The following ADGRG5 variants were observed in gnomAD, a reference collection of about 807,000 sequenced individuals.
ADGRG5 encodes G protein-coupled receptor 114.
In ADGRG5, 37 loss-of-function variants were observed where a neutral mutation model predicts 53.2. The ratio of observed to expected loss-of-function variants is 0.70; its 90% CI spans 0.53 to 0.91. ADGRG5 has a LOEUF of 0.91. ADGRG5 is among the 40% of genes least tolerant of loss of function. The pLI is 0.00. For missense variants in ADGRG5, 614 were observed against 675.8 expected (o/e 0.91, Z 1.01); for synonymous variants, 277 against 290.4 (o/e 0.95, Z 0.47).
chr16:57,551,240 G>A (rs1279509578), intron 1 of ADGRG5, among the ~76,000 whole-genome samples: 1 of 152,092 alleles, frequency 6.6e-6, no homozygotes, highest in African/African-American at 2.4e-5. Context: ...TTGAAGGTTG[G>A]GGTGGCTGGC....
chr16:57,568,232 A>G, intron 9 of ADGRG5, 108 bp downstream of exon 9: 3 of 1,126,376 alleles, frequency 2.7e-6, no homozygotes, highest in Non-Finnish European at 3.9e-6. Flanking sequence ...TGGCCATTAC[A>G]TGACCACCAG....
chr16:57,564,126 C>A, intron 5 of ADGRG5, 147 bp downstream of exon 5: 1 of 849,904 alleles, frequency 1.2e-6, no homozygotes. Context: ...GCAATTGTCC[C>A]TCTCTGGGCC....
At chr16:57,554,526 G>A (rs2032831569) in intron 1 of ADGRG5, among the ~76,000 whole-genome samples, 1 of 152,006 alleles carries the variant, frequency 6.6e-6, no homozygotes, top group Non-Finnish European at 1.5e-5. Context: ...ACAGGCACCT[G>A]CCACCATGCC....
rs144683752 is a variant in ADGRG5 at position 57,558,251 on chromosome 16, G to A, written c.-38-3805G>A. Among the ~76,000 whole-genome samples the A allele has an allele frequency of 8.3e-4, 127 of 152,302 alleles. 1 individual carries two copies. Among genetic ancestry groups the A allele is most frequent in the African/African-American group, 2.9e-3 (120 of 41,562 alleles). ...CCCAAAGTGCTGGGATTACAGGCAT[G>A]AGCCACAGTGCCCAGCTGGATTTAG... On this transcript the variant is annotated intron_variant, in intron 1 of 11. Coordinates refer to ENST00000349457, the MANE Select transcript of ADGRG5 (RefSeq NM_001304376.3).
chr16:57,567,940 C>G lies in ADGRG5; in HGVS notation c.906C>G (p.Pro302=). 6.2e-7 allele frequency: 1 copy of G among 1,613,916 alleles called. No individual in the cohort carries two copies. Among genetic ancestry groups the G allele is most frequent in the Non-Finnish European group, 8.5e-7 (1 of 1,179,948 alleles). Residue 302 remains proline, a synonymous_variant, in exon 9 of 12, where the codon CCC becomes CCG. Coordinates refer to ENST00000349457, the MANE Select transcript of ADGRG5 (RefSeq NM_001304376.3). ...TGAACATCGCCTTCCTGCTGAGCCC[C>G]GCATTCGCAATGTCTCCTGTGCCCG... ...LLLNIAFLLS[P]AFAMSPVPGS...
intron 1 of ADGRG5, among the ~76,000 whole-genome samples, chr16:57,555,299 T>C (rs138526508): frequency 0.012 from 1,869 of 152,296 alleles, 36 homozygotes; most frequent in African/African-American, 0.043. Context: ...TGGGAAGTGA[T>C]TGGATCATGG....
chr16:57,538,704 C>T (rs2032445126), upstream of ADGRG5, among the ~76,000 whole-genome samples: 1 of 152,186 alleles, frequency 6.6e-6, no homozygotes, highest in Non-Finnish European at 1.5e-5. Flanking sequence ...CTGTCCCACT[C>T]AGTTCAGGAC....
the ADGRG5 span, among the ~76,000 whole-genome samples, chr16:57,537,547 A>G: frequency 1.3e-5 from 2 of 152,206 alleles, no homozygotes; most frequent in Non-Finnish European, 2.9e-5. Context: ...TTGAGTATGT[A>G]GCATCCTTCC....
At chr16:57,531,158 C>T in the ADGRG5 span, among the ~76,000 whole-genome samples, 8 of 152,204 alleles carry the variant, frequency 5.3e-5, no homozygotes, top group South Asian at 4.2e-4. Flanking sequence ...CAGAGCTTCC[C>T]ATACCTCCAA....
chr16:57,564,958 G>C, intron 5 of ADGRG5, 76 bp from the exon 6 acceptor site: 1 of 793,484 alleles, frequency 1.3e-6, no homozygotes, highest in East Asian at 2.5e-5. Context: ...TTCTCATCCA[G>C]GGAAGCGGAG....
rs549646482 is a variant in ADGRG5, at chr16:57,570,126, T to G, written c.1091-292T>G. Among the ~76,000 whole-genome samples, 128 of 152,304 alleles carry G rather than the reference T, an allele frequency of 8.4e-4. 1 individual carries two copies. The highest frequency in any genetic ancestry group is 1.7e-3 in the Non-Finnish European group (114 of 68,028). ...TTGCCCCTTTCTTGCTTATTTCTAT[T>G]TCCTCAGCAGTTCCCCAGTCCTCCC... is the stretch of plus-strand genomic sequence containing the variant. On this transcript the variant is annotated intron_variant, in intron 9 of 11. Coordinates refer to ENST00000349457, the MANE Select transcript of ADGRG5 (RefSeq NM_001304376.3).
intron 1 of ADGRG5, among the ~76,000 whole-genome samples, chr16:57,547,134 A>G (rs1314450233): frequency 1.3e-5 from 2 of 152,166 alleles, no homozygotes; most frequent in Non-Finnish European, 2.9e-5. Flanking sequence ...CCATATTGAT[A>G]GTCATTTGGA....
chr16:57,548,877 G>A (rs1170742269), intron 1 of ADGRG5, among the ~76,000 whole-genome samples: 1 of 152,002 alleles, frequency 6.6e-6, no homozygotes, highest in Non-Finnish European at 1.5e-5. Context: ...CCCACTTTGA[G>A]GCTATCATGA....
the ADGRG5 span, among the ~76,000 whole-genome samples, chr16:57,535,867 C>A: frequency 6.6e-6 from 1 of 152,154 alleles, no homozygotes; most frequent in African/African-American, 2.4e-5. Context: ...CACAAGAGCC[C>A]TGGGAGAGCG....
intron 1 of ADGRG5, among the ~76,000 whole-genome samples, chr16:57,550,273 C>T (rs542365704): frequency 1.4e-4 from 21 of 152,234 alleles, no homozygotes; most frequent in Admixed American, 6.5e-4. Context: ...CCACCGCGCC[C>T]GGCCCATCTA....
chr16:57,569,554 A>G lies in ADGRG5; in HGVS notation c.1091-864A>G, dbSNP rs370147408. Among the ~76,000 whole-genome samples, 46 of 150,462 alleles carry G rather than the reference A, an allele frequency of 3.1e-4. 2 individuals carry two copies. The highest frequency in any genetic ancestry group is 9.8e-4 in the African/African-American group (40 of 40,778). ...CATCTCCTCCACCTCTATCATCACC[A>G]TTATCACCTCCTCTACCTCCATCAT... On this transcript the variant is annotated intron_variant, in intron 9 of 11. Transcript: ENST00000349457.
intron 1 of ADGRG5, among the ~76,000 whole-genome samples, chr16:57,543,389 T>C (rs1242450442): frequency 6.7e-6 from 1 of 149,598 alleles, no homozygotes; most frequent in African/African-American, 2.5e-5. Context: ...TTCAAGCGAT[T>C]CTCCTGCCTT....
the ADGRG5 span, among the ~76,000 whole-genome samples, chr16:57,536,908 G>A: frequency 6.6e-6 from 1 of 152,150 alleles, no homozygotes; most frequent in African/African-American, 2.4e-5. Context: ...CGGCCACCGC[G>A]GGTCCCAGCT....
chr16:57,571,696 C>T (rs1307803682), intron 10 of ADGRG5, among the ~76,000 whole-genome samples: 1 of 133,940 alleles, frequency 7.5e-6, no homozygotes, highest in Non-Finnish European at 1.5e-5. Flanking sequence ...GCTCTTGTTG[C>T]CCAGGCTGGA....
Sources: gnomAD v4.1 joint callset for allele counts (sites outside exome capture counted in the v4.1 genomes callset) on GRCh38, gnomAD v4.1.1 for gene constraint, MANE v1.5 for transcripts, NCBI Gene and HGNC (gene_info 2026-07-23, HGNC 2026-07-21) for gene names.